The following C14orf132 variants were observed in gnomAD, a reference collection of about 807,000 sequenced individuals.
The protein encoded by C14orf132 is chromosome 14 open reading frame 132.
A neutral mutation model predicts 5.8 loss-of-function variants in C14orf132; 6 were observed. The observed-to-expected ratio is 1.03, with a 90% CI of 0.57 to 2.04. C14orf132 has a LOEUF of 2.04. Among genes scored for constraint, C14orf132 ranks in the 30% most tolerant of loss-of-function variants. The probability of loss-of-function intolerance (pLI) is 0.00; values close to 1 mark genes in which losing one functional copy is unlikely to be tolerated. For missense variants in C14orf132, 125 were observed against 115.8 expected, an observed-to-expected ratio of 1.08 and a Z score of -0.37; for synonymous variants, 51 against 49.8, an observed-to-expected ratio of 1.02 and a Z score of -0.10.
chr14:96,043,306 T>TG lies in C14orf132; in HGVS notation c.27+3784dup, dbSNP rs563958348. 5.9e-5 allele frequency among the ~76,000 whole-genome samples: 9 copies of TG among 152,184 alleles called. No homozygotes were observed. The South Asian group carries it at 1.7e-3, about 28-fold the overall frequency. ...AGTGCAGTGACACAGAGGCACATGC[T>TG]GGGGGAAGGGAGCGAACATTTCAGG... On this transcript the variant is annotated intron_variant, in intron 1 of 1. Transcript: ENST00000555004.
intron 1 of C14orf132, among the ~76,000 whole-genome samples, chr14:96,067,773 G>A (rs1389121484): frequency 2.0e-5 from 3 of 151,952 alleles, no homozygotes; most frequent in Non-Finnish European, 4.4e-5. Context: ...TTGGAGTGCT[G>A]TAGGCGTGCC....
At chr14:96,044,054 C>T (rs1024253401) in intron 1 of C14orf132, among the ~76,000 whole-genome samples, 16 of 152,354 alleles carry the variant, frequency 1.1e-4, no homozygotes, top group African/African-American at 3.1e-4. Flanking sequence ...GCAGGACCAT[C>T]CTTCCATGTC....
rs1015959448 is a variant in C14orf132, at chr14:96,064,577, G to C, written c.28-21934G>C. Among the ~76,000 whole-genome samples, 4 of 151,920 alleles carry C rather than the reference G, an allele frequency of 2.6e-5. No homozygotes were observed. The South Asian group carries it at 8.3e-4, about 32-fold the overall frequency. On this transcript the variant is annotated intron_variant, in intron 1 of 1. Coordinates refer to ENST00000555004, the MANE Select transcript of C14orf132 (RefSeq NM_001252507.3). Reference sequence around the variant, plus strand: ...ATTCTAAGTGAAGTGACTCAGGAATGGAAACCCAAACATCATATGTTCTCA... The same window carrying C: ...ATTCTAAGTGAAGTGACTCAGGAATCGAAACCCAAACATCATATGTTCTCA...
chr14:96,045,716 G>A (rs562016154), intron 1 of C14orf132, among the ~76,000 whole-genome samples: 2 of 152,350 alleles, frequency 1.3e-5, no homozygotes, highest in East Asian at 1.9e-4. Context: ...ACAATTAAAT[G>A]TTAGAAATTT....
rs758701740 is a variant in C14orf132 at position 96,091,114 on chromosome 14, C to T, written c.*4379C>T. On this transcript the variant is annotated 3_prime_UTR_variant, in exon 2 of 2. Transcript: ENST00000555004. ...AGAAAACTGAGGCCAGGGCTGAACG[C>T]TCACAGCTAAGGAGCTGTGATTCAG... The T allele has an allele frequency of 4.7e-6, 2 of 426,278 alleles. No homozygotes were observed. Among genetic ancestry groups the T allele is most frequent in the South Asian group, 3.5e-5 (2 of 56,950 alleles). 26.4% of individuals were successfully genotyped at this position (426,278 alleles called of 1,614,324 possible).
intron 1 of C14orf132, among the ~76,000 whole-genome samples, chr14:96,074,719 A>G (rs1239404856): frequency 6.6e-6 from 1 of 152,186 alleles, no homozygotes; most frequent in Non-Finnish European, 1.5e-5. Flanking sequence ...CAATTTTTTC[A>G]AAAATTAATT....
intron 1 of C14orf132, among the ~76,000 whole-genome samples, chr14:96,073,888 G>A (rs7493097): frequency 0.22 from 33,641 of 152,110 alleles, 4,058 homozygotes; most frequent in Non-Finnish European, 0.27. Flanking sequence ...TCCTTTGCAG[G>A]GACATGGATG....
At chr14:96,063,044 A>C (rs1003607947) in intron 1 of C14orf132, among the ~76,000 whole-genome samples, 1 of 152,050 alleles carries the variant, frequency 6.6e-6, no homozygotes, top group African/African-American at 2.4e-5. Context: ...CACAGAAAAA[A>C]ATTTTTTCAT....
At chr14:96,067,867 C>T (rs1210101481) in intron 1 of C14orf132, among the ~76,000 whole-genome samples, 4 of 152,024 alleles carry the variant, frequency 2.6e-5, no homozygotes, top group Non-Finnish European at 4.4e-5. Context: ...ATGCAGGTGG[C>T]CACTTATAGG....
At chr14:96,068,034 A>G (rs1324903729) in intron 1 of C14orf132, among the ~76,000 whole-genome samples, 2 of 152,196 alleles carry the variant, frequency 1.3e-5, no homozygotes, top group Non-Finnish European at 2.9e-5. Context: ...GCGGGCTCTC[A>G]ATAAATATTA....
chr14:96,067,241 G>A (rs1446291681), intron 1 of C14orf132, among the ~76,000 whole-genome samples: 3 of 152,160 alleles, frequency 2.0e-5, no homozygotes, highest in Admixed American at 6.5e-5. Flanking sequence ...CAAGGTGGCC[G>A]CGTGAGCACA....
rs1336964688 is a variant in C14orf132 at position 96,092,777 on chromosome 14, A to G, written c.*6042A>G. 1 of 152,218 alleles carries G rather than the reference A, an allele frequency of 6.6e-6. No individual in the cohort carries two copies. The highest frequency in any genetic ancestry group is 6.5e-5 in the Admixed American group (1 of 15,286). The allele number at this position is 152,218 out of a possible 1,614,324, so 9.4% of individuals were successfully genotyped here. On this transcript the variant is annotated 3_prime_UTR_variant, in exon 2 of 2. Transcript: ENST00000555004. ...CTATCGAGTTTTCACTAGGAGACTT[A>G]GTGGTGGCTTTCATGAGGCCAGTCG...
chr14:96,041,742 C>T (rs540976854), intron 1 of C14orf132, among the ~76,000 whole-genome samples: 8 of 152,326 alleles, frequency 5.3e-5, no homozygotes, highest in South Asian at 4.1e-4. Context: ...CAGTTTGCAG[C>T]GAAATGTTGG....
At chr14:96,051,444 A>G (rs1009655000) in intron 1 of C14orf132, among the ~76,000 whole-genome samples, 1 of 152,222 alleles carries the variant, frequency 6.6e-6, no homozygotes, top group Non-Finnish European at 1.5e-5. Context: ...AGGCCCACGC[A>G]GTTTGCCAGC....
rs961622765 is a variant in C14orf132 at position 96,092,985 on chromosome 14, G to C, written c.*6250G>C. 1.3e-5 allele frequency: 2 copies of C among 152,236 alleles called. No individual in the cohort carries two copies. Among genetic ancestry groups the C allele is most frequent in the African/African-American group, 2.4e-5 (1 of 41,440 alleles). The allele number at this position is 152,236 out of a possible 1,614,324, so 9.4% of individuals were successfully genotyped here. On this transcript the variant is annotated 3_prime_UTR_variant, in exon 2 of 2. Coordinates refer to ENST00000555004, the MANE Select transcript of C14orf132 (RefSeq NM_001252507.3). ...CCAGCCCCAAAATGCCAATAGTGCC[G>C]AGGTCAGGGGACCCTGTGCTGGCCA...
chr14:96,071,610 C>T (rs1029319093), intron 1 of C14orf132, among the ~76,000 whole-genome samples: 5 of 152,236 alleles, frequency 3.3e-5, no homozygotes, highest in African/African-American at 1.2e-4. Context: ...CAGTCTTTGG[C>T]CAGCTTGCCA....
rs550032748 is a variant in C14orf132, at chr14:96,039,441, C to A, written c.-60C>A. On this transcript the variant is annotated 5_prime_UTR_variant, in exon 1 of 2. Transcript: ENST00000555004. This position sits in a 1 kb window ranked among gnomAD's most constrained non-coding sequence, Gnocchi z 5.3. Reference sequence around the variant, plus strand: ...GCCCGATCCCCGCCAACTGTGCAGGCGGCTGACCCGCAGCGGCAGCGGCAG... The same window carrying A: ...GCCCGATCCCCGCCAACTGTGCAGGAGGCTGACCCGCAGCGGCAGCGGCAG... 22 of 1,462,412 alleles carry A rather than the reference C, an allele frequency of 1.5e-5. No homozygotes were observed. In the East Asian group the frequency reaches 5.7e-4, roughly 38 times the overall value. The allele number at this position is 1,462,412 out of a possible 1,614,324, so 90.6% of individuals were successfully genotyped here.
intron 1 of C14orf132, among the ~76,000 whole-genome samples, chr14:96,075,155 T>G (rs1380813355): frequency 6.6e-6 from 1 of 152,228 alleles, no homozygotes. Context: ...GCTAAGTATT[T>G]TATTTTTTGG....
At chr14:96,045,993 T>A (rs1344221562) in intron 1 of C14orf132, among the ~76,000 whole-genome samples, 1 of 152,184 alleles carries the variant, frequency 6.6e-6, no homozygotes, top group Non-Finnish European at 1.5e-5. Flanking sequence ...TGGGATTTCA[T>A]CCTGCAAGGG....
Sources: gnomAD v4.1 joint callset for allele counts (sites outside exome capture counted in the v4.1 genomes callset) on GRCh38, gnomAD v4.1.1 for gene constraint, Gnocchi (gnomAD v3.1) non-coding constraint, MANE v1.5 for transcripts, NCBI Gene and HGNC (gene_info 2026-07-23, HGNC 2026-07-21) for gene names.